The following AGAP1 variants were observed in gnomAD, a reference collection of about 807,000 sequenced individuals.
The protein encoded by AGAP1 is ArfGAP with GTPase domain, ankyrin repeat and PH domain 1, also known as arf-GAP with GTPase, ANK repeat and PH domain-containing protein 1.
A neutral mutation model predicts 105.3 loss-of-function variants in AGAP1; 29 were observed. The ratio of observed to expected loss-of-function variants is 0.28; its 90% CI spans 0.21 to 0.38. The LOEUF is 0.38. Ranked by LOEUF, AGAP1 falls within the 10% of genes least tolerant of loss-of-function variation. The pLI, the probability that AGAP1 is intolerant of heterozygous loss-of-function variation, is 1.00. For missense variants in AGAP1, 998 were observed against 1,165.1 expected, an observed-to-expected ratio of 0.86 and a Z score of 2.09; for synonymous variants, 509 against 485.9, an observed-to-expected ratio of 1.05 and a Z score of -0.63.
intron 6 of AGAP1, among the ~76,000 whole-genome samples, chr2:235,760,924 G>A (rs576515259): frequency 1.1e-4 from 16 of 152,264 alleles, no homozygotes; most frequent in African/African-American, 3.1e-4. Flanking sequence ...TCAGTCTATC[G>A]CTTGATTTGC....
At position 235,659,379 on chromosome 2, in the gene AGAP1, C is replaced by T. The variant is rs1881186; in HGVS notation, c.164-49800C>T. On this transcript the variant is annotated intron_variant, in intron 1 of 17. Transcript: ENST00000304032. This position sits in a 1 kb window ranked among gnomAD's most constrained non-coding sequence, Gnocchi z 5.0. ...CACAGTGTTGTATCTGAGTGAGTAG[C>T]GTCCTCCTTAAGCATTGGCTTTGGT... Among the ~76,000 whole-genome samples, 69,978 of 152,104 alleles carry T rather than the reference C, an allele frequency of 0.46. 16,211 individuals are homozygous for T. Among genetic ancestry groups the T allele is most frequent in the Middle Eastern group, 0.53 (155 of 294 alleles).
Position 236,049,147 on chromosome 2 carries a change from A to T in AGAP1, c.1980A>T (p.Arg660=). The T allele has an allele frequency of 6.2e-7, 1 of 1,614,210 alleles. No individual in the cohort carries two copies. The highest frequency in any genetic ancestry group is 8.5e-7 in the Non-Finnish European group (1 of 1,180,042). Residue 660 remains arginine, a synonymous_variant, in exon 16 of 18, where the codon CGA becomes CGT. Coordinates refer to ENST00000304032, the MANE Select transcript of AGAP1 (RefSeq NM_001037131.3). Reference sequence around the variant, plus strand: ...GGAATCTTGGCACCCACCTTTCCCGAGTCCGATCTCTGGACCTGGATGACT... The same window carrying T: ...GGAATCTTGGCACCCACCTTTCCCGTGTCCGATCTCTGGACCTGGATGACT... ...IHRNLGTHLS[R]VRSLDLDDWP...
rs1222274568 is a variant in AGAP1 at position 235,883,681 on chromosome 2, A to G, written c.1155+232A>G. ...CAATCTGTGGCTTTCCAATTCTACAAAGAATTACAATAAAAGGCACAGATG... is the reference window on the plus strand; with the variant it reads ...CAATCTGTGGCTTTCCAATTCTACAGAGAATTACAATAAAAGGCACAGATG... On this transcript the variant is annotated intron_variant, in intron 10 of 17. Coordinates refer to ENST00000304032, the MANE Select transcript of AGAP1 (RefSeq NM_001037131.3). This position sits in a 1 kb window ranked among gnomAD's most constrained non-coding sequence, Gnocchi z 4.5. 6.6e-6 allele frequency among the ~76,000 whole-genome samples: 1 copy of G among 152,244 alleles called. No homozygotes were observed. Among genetic ancestry groups the G allele is most frequent in the Non-Finnish European group, 1.5e-5 (1 of 68,040 alleles).
Position 235,639,403 on chromosome 2 carries a change from C to T in AGAP1, c.164-69776C>T, listed in dbSNP as rs1042319357. Among the ~76,000 whole-genome samples the T allele has an allele frequency of 3.3e-5, 5 of 152,112 alleles. No individual in the cohort carries two copies. Among genetic ancestry groups the T allele is most frequent in the African/African-American group, 9.7e-5 (4 of 41,426 alleles). On this transcript the variant is annotated intron_variant, in intron 1 of 17. Transcript: ENST00000304032. This position sits in a 1 kb window ranked among gnomAD's most constrained non-coding sequence, Gnocchi z 5.3. ...TGAGAAGTCGGCCTGCGATAGAACCCGGGGAATCCCAGTGTTTCCAGGGTG... is the reference window on the plus strand; with the variant it reads ...TGAGAAGTCGGCCTGCGATAGAACCTGGGGAATCCCAGTGTTTCCAGGGTG...
intron 1 of AGAP1, among the ~76,000 whole-genome samples, chr2:235,565,951 TACA>T (rs1944333017): frequency 6.6e-6 from 1 of 152,250 alleles, no homozygotes; most frequent in South Asian, 2.1e-4. Context: ...ACTATTGTTT[TACA>T]ACATTTCATT....
chr2:235,845,390 A>G lies in AGAP1; in HGVS notation c.1051-37955A>G, dbSNP rs922395924. On this transcript the variant is annotated intron_variant, in intron 9 of 17. Transcript: ENST00000304032. This position sits in a 1 kb window ranked among gnomAD's most constrained non-coding sequence, Gnocchi z 4.8. Reference sequence around the variant, plus strand: ...TTCTGGGAGTGCAGATTTTGCAGACATGGAAGCAGAAAATCATATGATACC... The same window carrying G: ...TTCTGGGAGTGCAGATTTTGCAGACGTGGAAGCAGAAAATCATATGATACC... 5.3e-5 allele frequency among the ~76,000 whole-genome samples: 8 copies of G among 152,054 alleles called. No individual in the cohort carries two copies. The highest frequency in any genetic ancestry group is 1.9e-4 in the African/African-American group (8 of 41,394).
chr2:235,865,526 A>G lies in AGAP1; in HGVS notation c.1051-17819A>G, dbSNP rs1055209455. On this transcript the variant is annotated intron_variant, in intron 9 of 17. Coordinates refer to ENST00000304032, the MANE Select transcript of AGAP1 (RefSeq NM_001037131.3). This position sits in a 1 kb window ranked among gnomAD's most constrained non-coding sequence, Gnocchi z 6.2. The stretch of plus-strand genomic sequence containing the variant: ...CAACGACAGAAATATTACTCGCCGG[A>G]AAGGGGAGGGGGTCTTTGGGGAGCT... Among the ~76,000 whole-genome samples, 3 of 152,178 alleles carry G rather than the reference A, an allele frequency of 2.0e-5. No individual in the cohort carries two copies. The highest frequency in any genetic ancestry group is 2.9e-5 in the Non-Finnish European group (2 of 68,040).
At position 235,963,577 on chromosome 2, in the gene AGAP1, A is replaced by G. The variant is rs752057369; in HGVS notation, c.1484-4885A>G. Among the ~76,000 whole-genome samples, 1 of 152,184 alleles carries G rather than the reference A, an allele frequency of 6.6e-6. No individual in the cohort carries two copies. The highest frequency in any genetic ancestry group is 1.5e-5 in the Non-Finnish European group (1 of 68,034). Reference sequence around the variant, plus strand: ...CAAGATTTTTCCTTGGTTTCCTCATAGGCAAGTTGAAAGATATGTGAGCTG... The same window carrying G: ...CAAGATTTTTCCTTGGTTTCCTCATGGGCAAGTTGAAAGATATGTGAGCTG... On this transcript the variant is annotated intron_variant, in intron 12 of 17. Transcript: ENST00000304032. The surrounding 1 kb of genome is among the most constrained non-coding windows in gnomAD (Gnocchi z 5.1).
chr2:236,033,471 G>A (rs2057287662), intron 13 of AGAP1, among the ~76,000 whole-genome samples: 1 of 152,258 alleles, frequency 6.6e-6, no homozygotes, highest in African/African-American at 2.4e-5. Context: ...CTTTGCATGA[G>A]ATACTGAGAG....
At position 236,061,822 on chromosome 2, in the gene AGAP1, C is replaced by T. The variant is rs140271752; in HGVS notation, c.2114+12541C>T. ...TACATCCTTGCAAATATACTAAAAACCACTGAGTTGTACACTTTTAAAGTG... is the reference window on the plus strand; with the variant it reads ...TACATCCTTGCAAATATACTAAAAATCACTGAGTTGTACACTTTTAAAGTG... On this transcript the variant is annotated intron_variant, in intron 16 of 17. Coordinates refer to ENST00000304032, the MANE Select transcript of AGAP1 (RefSeq NM_001037131.3). The surrounding 1 kb of genome is among the most constrained non-coding windows in gnomAD (Gnocchi z 4.1). 6.5e-4 allele frequency among the ~76,000 whole-genome samples: 99 copies of T among 151,630 alleles called. 4 individuals carry two copies. The East Asian group carries it at 0.018, about 28-fold the overall frequency.
At chr2:235,686,665 A>ATATATATATT (rs1369766503) in intron 1 of AGAP1, among the ~76,000 whole-genome samples, 5 of 77,498 alleles carry the variant, frequency 6.5e-5, no homozygotes, top group African/African-American at 1.3e-4. Context: ...ATATATATAT[A>ATATATATATT]TTTTTTTTTT....
chr2:235,498,597 C>G (rs2148996081), intron 1 of AGAP1, among the ~76,000 whole-genome samples: 1 of 152,298 alleles, frequency 6.6e-6, no homozygotes, highest in South Asian at 2.1e-4. Context: ...CTTTCTTGTT[C>G]AATAAAGCTT....
intron 16 of AGAP1, among the ~76,000 whole-genome samples, chr2:236,065,593 G>A (rs1332531377): frequency 6.6e-6 from 1 of 152,330 alleles, no homozygotes; most frequent in East Asian, 1.9e-4. Flanking sequence ...AGGGGCTGCA[G>A]AGCTTAGAAA....
In AGAP1 at chr2:235,497,028, T is replaced by C. The variant is rs148720830; in HGVS notation, c.163+2179T>C. Among the ~76,000 whole-genome samples the C allele has an allele frequency of 2.9e-3, 437 of 152,360 alleles. 1 individual carries two copies. Among genetic ancestry groups the C allele is most frequent in the Non-Finnish European group, 4.4e-3 (299 of 68,036 alleles). On this transcript the variant is annotated intron_variant, in intron 1 of 17. Coordinates refer to ENST00000304032, the MANE Select transcript of AGAP1 (RefSeq NM_001037131.3). ...ACATGCTGCTGTTCTTTGCATGTTC[T>C]TCTGTTATCAATAATGATACCACTT... is the stretch of plus-strand genomic sequence containing the variant.
chr2:235,870,042 T>C (rs1411316940), intron 9 of AGAP1, among the ~76,000 whole-genome samples: 4 of 152,162 alleles, frequency 2.6e-5, no homozygotes, highest in Non-Finnish European at 5.9e-5. Context: ...TCACACAGGA[T>C]ATGAGCACCA....
chr2:236,026,471 G>A (rs762296683), intron 13 of AGAP1, among the ~76,000 whole-genome samples: 1 of 152,228 alleles, frequency 6.6e-6, no homozygotes, highest in Non-Finnish European at 1.5e-5. Context: ...GCTCATGCCT[G>A]TAATCCCCGC....
chr2:235,709,602 A>AC (rs1390003521), intron 2 of AGAP1, among the ~76,000 whole-genome samples: 2 of 151,150 alleles, frequency 1.3e-5, no homozygotes, highest in East Asian at 3.9e-4. Flanking sequence ...ACACACACAC[A>AC]CCCCCATGGA....
intron 1 of AGAP1, among the ~76,000 whole-genome samples, chr2:235,630,902 T>C (rs928098075): frequency 6.6e-6 from 1 of 152,162 alleles, no homozygotes; most frequent in Non-Finnish European, 1.5e-5. Flanking sequence ...GTCTGCATAA[T>C]GTATGAACAC....
chr2:235,978,449 C>T (rs935554739), intron 13 of AGAP1, among the ~76,000 whole-genome samples: 3 of 152,172 alleles, frequency 2.0e-5, no homozygotes, highest in African/African-American at 7.2e-5. Context: ...AGGAAGAACA[C>T]CATGGATTTA....
Sources: gnomAD v4.1 joint callset for allele counts (sites outside exome capture counted in the v4.1 genomes callset) on GRCh38, gnomAD v4.1.1 for gene constraint, Gnocchi (gnomAD v3.1) non-coding constraint, MANE v1.5 for transcripts, NCBI Gene and HGNC (gene_info 2026-07-23, HGNC 2026-07-21) for gene names.